The following WWOX variants were observed in gnomAD, a reference collection of about 807,000 sequenced individuals.
The protein encoded by WWOX is WW domain-containing oxidoreductase.
WWOX carries 69 observed loss-of-function variants against 46.2 expected under a neutral mutation model. The ratio of observed to expected loss-of-function variants is 1.49; its 90% CI spans 1.23 to 1.82. The LOEUF is 1.82. Among genes scored for constraint, WWOX ranks in the 40% most tolerant of loss-of-function variants. WWOX has a pLI of 0.00. For synonymous variants in WWOX, 359 were observed against 202.6 expected (o/e 1.77, Z -6.56); for missense variants, 919 against 542.6 (o/e 1.69, Z -6.89).
chr16:78,214,226 T>C (rs929201406), intron 5 of WWOX, among the ~76,000 whole-genome samples: 2 of 152,170 alleles, frequency 1.3e-5, no homozygotes, highest in Admixed American at 6.5e-5. Context: ...GCAGCTCCTC[T>C]TGAGTGCTTT....
At chr16:78,840,890 A>T (rs115977392) in intron 8 of WWOX, among the ~76,000 whole-genome samples, 10 of 152,046 alleles carry the variant, frequency 6.6e-5, no homozygotes, top group African/African-American at 2.4e-4. Context: ...ACACACTTGG[A>T]GTAGCAAACA....
At chr16:78,644,007 G>A (rs2046783983) in intron 8 of WWOX, among the ~76,000 whole-genome samples, 1 of 152,134 alleles carries the variant, frequency 6.6e-6, no homozygotes, top group Admixed American at 6.6e-5. Context: ...CAGATCACGT[G>A]AGGTCAGGAG....
chr16:78,354,037 A>G (rs577280292), intron 5 of WWOX, among the ~76,000 whole-genome samples: 1 of 152,206 alleles, frequency 6.6e-6, no homozygotes, highest in South Asian at 2.1e-4. Flanking sequence ...AATTCAGTCT[A>G]CGCAAGGGTA....
chr16:78,791,284 C>T (rs2050592101), intron 8 of WWOX, among the ~76,000 whole-genome samples: 1 of 152,112 alleles, frequency 6.6e-6, no homozygotes, highest in African/African-American at 2.4e-5. Context: ...CTCGGGTTTC[C>T]TGTGTGTCTG....
chr16:78,134,232 C>T (rs1311337090), intron 4 of WWOX, among the ~76,000 whole-genome samples: 2 of 152,140 alleles, frequency 1.3e-5, no homozygotes, highest in East Asian at 3.8e-4. Flanking sequence ...AAGCTATCTG[C>T]TATTATTGAT....
intron 8 of WWOX, among the ~76,000 whole-genome samples, chr16:78,607,652 T>G (rs975778667): frequency 1.3e-5 from 2 of 151,538 alleles, no homozygotes; most frequent in Non-Finnish European, 2.9e-5. Context: ...TTCTTTTTTT[T>G]TTTTTTGGCT....
intron 6 of WWOX, among the ~76,000 whole-genome samples, chr16:78,416,184 C>G (rs1177571530): frequency 6.6e-6 from 1 of 152,192 alleles, no homozygotes; most frequent in Non-Finnish European, 1.5e-5. Flanking sequence ...TGTTTCCATT[C>G]TGTCTTTATA....
chr16:78,992,308 CA>C (rs5818196), intron 8 of WWOX, among the ~76,000 whole-genome samples: 149,063 of 151,958 alleles, frequency 0.98, 73,197 homozygotes, highest in South Asian at 1. Flanking sequence ...ACTAAAAATA[CA>C]AAAAAAAATT....
At chr16:78,707,913 C>T (rs2048357997) in intron 8 of WWOX, among the ~76,000 whole-genome samples, 1 of 151,936 alleles carries the variant, frequency 6.6e-6, no homozygotes, top group African/African-American at 2.4e-5. Context: ...AGTCACAATG[C>T]TATTCGGTTG....
At chr16:78,898,617 A>G (rs1467995800) in intron 8 of WWOX, 1 of 152,078 alleles carries the variant, frequency 6.6e-6, no homozygotes, top group Non-Finnish European at 1.5e-5. Flanking sequence ...TTACATATAT[A>G]TTTCCTGATC....
At chr16:78,803,601 C>G (rs1379347760) in intron 8 of WWOX, among the ~76,000 whole-genome samples, 1 of 152,050 alleles carries the variant, frequency 6.6e-6, no homozygotes, top group Non-Finnish European at 1.5e-5. Context: ...GCATATACCA[C>G]CATACCTGGA....
intron 5 of WWOX, among the ~76,000 whole-genome samples, chr16:78,238,625 TTTG>T (rs2037521332): frequency 6.6e-6 from 1 of 152,070 alleles, no homozygotes; most frequent in Non-Finnish European, 1.5e-5. Flanking sequence ...AATTACTTTT[TTTG>T]TTGTTGTTGA....
At chr16:79,140,637 C>G (rs774937309) in intron 8 of WWOX, among the ~76,000 whole-genome samples, 13 of 152,226 alleles carry the variant, frequency 8.5e-5, no homozygotes, top group Middle Eastern at 3.2e-3. Flanking sequence ...AATTAAGAAG[C>G]AAGAAGCGCT....
intron 8 of WWOX, among the ~76,000 whole-genome samples, chr16:78,934,871 G>A (rs575230016): frequency 1.2e-3 from 180 of 152,244 alleles, no homozygotes; most frequent in South Asian, 3.1e-3. Flanking sequence ...AGGCCAAGGC[G>A]GGTGCATCAC....
intron 8 of WWOX, chr16:78,890,528 T>G (rs1185975065): frequency 2.0e-5 from 3 of 152,278 alleles, no homozygotes; most frequent in African/African-American, 7.2e-5. Flanking sequence ...CCTGAAATGG[T>G]GCTGATGTCT....
intron 8 of WWOX, among the ~76,000 whole-genome samples, chr16:78,780,665 C>G (rs536929244): frequency 6.6e-6 from 1 of 152,074 alleles, no homozygotes; most frequent in Non-Finnish European, 1.5e-5. Flanking sequence ...AAAAACAGTG[C>G]AAGCGCTGCA....
At chr16:78,184,814 A>C (rs1411722999) in intron 5 of WWOX, among the ~76,000 whole-genome samples, 2 of 152,228 alleles carry the variant, frequency 1.3e-5, no homozygotes, top group South Asian at 2.1e-4. Context: ...CGTTGATGTC[A>C]CATGTACAGG....
chr16:78,816,747 G>T (rs368634287), intron 8 of WWOX, among the ~76,000 whole-genome samples: 1 of 151,966 alleles, frequency 6.6e-6, no homozygotes. Flanking sequence ...GAAGAAACTG[G>T]GGTTGGCTCT....
At position 78,567,420 on chromosome 16, in the gene WWOX, G is replaced by C. The variant is rs537790082; in HGVS notation, c.1056+134668G>C. 2.0e-5 allele frequency among the ~76,000 whole-genome samples: 3 copies of C among 151,860 alleles called. No individual in the cohort carries two copies. The South Asian group carries it at 6.3e-4, about 32-fold the overall frequency. On this transcript the variant is annotated intron_variant, in intron 8 of 8. Coordinates refer to ENST00000566780, the MANE Select transcript of WWOX (RefSeq NM_016373.4). ...AAAAAAAAATTAGCCCGGCGTGGTGGCGGGTGCCTGTAGTCCCAGCTACTC... is the reference window on the plus strand; with the variant it reads ...AAAAAAAAATTAGCCCGGCGTGGTGCCGGGTGCCTGTAGTCCCAGCTACTC...
Sources: allele counts gnomAD v4.1 joint callset (sites outside exome capture counted in the v4.1 genomes callset), GRCh38; gene constraint gnomAD v4.1.1; transcripts MANE v1.5; gene names NCBI Gene and HGNC (gene_info 2026-07-23, HGNC 2026-07-21).